Variants in ZNF850 observed in about 807,000 individuals in gnomAD.
ZNF850 encodes the protein zinc finger protein 850.
A neutral mutation model predicts 11.9 loss-of-function variants in ZNF850; 2 were observed. The observed-to-expected ratio is 0.17, with a 90% CI of 0.07 to 0.53. ZNF850 has a LOEUF of 0.53. Among genes scored for constraint, ZNF850 ranks in the 20% least tolerant of loss-of-function variants. The pLI, the probability that ZNF850 is intolerant of heterozygous loss-of-function variation, is 0.94. For synonymous variants in ZNF850, 381 were observed against 443.0 expected (o/e 0.86, Z 1.76); for missense variants, 1,014 against 1,316.4 (o/e 0.77, Z 3.55).
At chr19:36,757,908 A>G (rs2040496544) in intron 4 of ZNF850, among the ~76,000 whole-genome samples, 2 of 151,922 alleles carry the variant, frequency 1.3e-5, no homozygotes, top group African/African-American at 4.8e-5. Context: ...TGCAGCCTTG[A>G]ACTCCTGGAC....
intron 1 of ZNF850, among the ~76,000 whole-genome samples, chr19:36,763,368 A>C (rs1235150659): frequency 6.6e-6 from 1 of 151,684 alleles, no homozygotes; most frequent in Non-Finnish European, 1.5e-5. Flanking sequence ...TGGAGAGACC[A>C]TTTTAGTCTC....
In ZNF850 at chr19:36,747,862, T is replaced by C. The variant is rs1186154715; in HGVS notation, c.3178A>G (p.Thr1060Ala). Residue 1060 changes from threonine to alanine, a missense_variant, in exon 5 of 5, where the codon ACT becomes GCT. Physicochemically the swap from Thr to Ala is moderately conservative, Grantham distance 58. Around this residue, in one of 2 missense-constraint regions of ZNF850, gnomAD observed 179 missense variants for 294.4 expected, o/e 0.61. Coordinates refer to ENST00000591344, the MANE Select transcript of ZNF850 (RefSeq NM_001193552.2). ...TTACATTCATAGGGTTTCTCGCCAG[T>C]GTGAACACTCTGATGTCGGCTGAGT... ...SGLSRHQSVHTGEKPYECKTC... is the reference protein window; with the variant it reads ...SGLSRHQSVHAGEKPYECKTC... 2.5e-6 allele frequency: 4 copies of C among 1,582,310 alleles called. No homozygotes were observed. Among genetic ancestry groups the C allele is most frequent in the Non-Finnish European group, 3.4e-6 (4 of 1,167,704 alleles).
intron 1 of ZNF850, among the ~76,000 whole-genome samples, chr19:36,766,384 G>A (rs568799460): frequency 6.6e-6 from 1 of 152,228 alleles, no homozygotes; most frequent in East Asian, 1.9e-4. Flanking sequence ...TTACTATTAG[G>A]ACTTAAAGCT....
In ZNF850 at chr19:36,747,804, T is replaced by G; in HGVS notation, c.3236A>C (p.Gln1079Pro). 6.4e-7 allele frequency: 1 copy of G among 1,550,660 alleles called. No individual in the cohort carries two copies. Among genetic ancestry groups the G allele is most frequent in the South Asian group, 1.2e-5 (1 of 84,824 alleles). The part of the protein sequence containing the change: ...TCGKAFKQLT[Q>P]LTRHQRIHDL... ...ATGAATTCTCTGATGTCGAGTAAGC[T>G]GTGTAAGCTGTTTAAAGGCCTTCCC... Residue 1079 changes from glutamine to proline, a missense_variant, in exon 5 of 5, where the codon CAG becomes CCG. Physicochemically the swap from Gln to Pro is moderately conservative, Grantham distance 76. Around this residue, in one of 2 missense-constraint regions of ZNF850, gnomAD observed 179 missense variants for 294.4 expected, o/e 0.61. Transcript: ENST00000591344.
rs35291974 is a variant in ZNF850 at position 36,748,691 on chromosome 19, C to A, written c.2349G>T (p.Lys783Asn). ...TCCCACATTCCTTACAATCATAGAG[C>A]TTCTCACCAGTGTGTATTTGCTGAT... ...IQHQQIHTGEKLYDCKECGKS... is the reference protein window; with the variant it reads ...IQHQQIHTGENLYDCKECGKS... Residue 783 changes from lysine to asparagine, a missense_variant, in exon 5 of 5, where the codon AAG (lysine) becomes AAT (asparagine). Coordinates refer to ENST00000591344, the MANE Select transcript of ZNF850 (RefSeq NM_001193552.2). 3.3e-6 allele frequency: 5 copies of A among 1,525,248 alleles called. No homozygotes were observed. The highest frequency in any genetic ancestry group is 4.4e-6 in the Non-Finnish European group (5 of 1,142,574). 94.5% of individuals were successfully genotyped at this position (1,525,248 alleles called of 1,614,324 possible). A position where few individuals can be genotyped will look rare whatever the true frequency, so the allele number is the denominator to read the frequency against.
At chr19:36,770,737 A>AAAAAAC (rs1491022844) in intron 1 of ZNF850, among the ~76,000 whole-genome samples, 4 of 143,256 alleles carry the variant, frequency 2.8e-5, no homozygotes, top group Non-Finnish European at 3.0e-5. Context: ...AAAAAAAAAA[A>AAAAAAC]AGCCAGCACT....
intron 4 of ZNF850, among the ~76,000 whole-genome samples, chr19:36,756,455 C>G (rs2040486984): frequency 6.6e-6 from 1 of 152,060 alleles, no homozygotes; most frequent in South Asian, 2.1e-4. Flanking sequence ...GCATTTTTTT[C>G]TTTTTATAAA....
intron 1 of ZNF850, among the ~76,000 whole-genome samples, chr19:36,772,466 T>TCA (rs2040590813): frequency 6.6e-6 from 1 of 151,670 alleles, no homozygotes; most frequent in Admixed American, 6.6e-5. Context: ...ACACGCAAAG[T>TCA]CACACACCCA....
rs762914922 is a variant in ZNF850 at position 36,762,430 on chromosome 19, C to A, written c.14G>T (p.Gly5Val). MNME[G>V]LVMFQDLSID... is the part of the protein sequence containing the mutation. ...AGACAGATCCTGGAACATGACCAAC[C>A]CCTGAAATGACAAACCCATGCAGCG... The change falls in exon 3 of 5, where the codon GGG becomes GTG. Residue 5 changes from glycine to valine, a missense_variant and splice_region_variant. By Grantham distance (109) the Gly-to-Val change is moderately radical. This residue lies in a region of ZNF850 where 835 missense variants were observed against 1,022.0 expected (regional missense o/e 0.82). Coordinates refer to ENST00000591344, the MANE Select transcript of ZNF850 (RefSeq NM_001193552.2). 2.9e-5 allele frequency: 45 copies of A among 1,559,720 alleles called. No homozygotes were observed. Among genetic ancestry groups the A allele is most frequent in the Non-Finnish European group, 3.4e-6 (4 of 1,160,686 alleles).
At chr19:36,754,513 T>C (rs1249371719) in intron 4 of ZNF850, among the ~76,000 whole-genome samples, 1 of 152,062 alleles carries the variant, frequency 6.6e-6, no homozygotes, top group Non-Finnish European at 1.5e-5. Context: ...ATTGAGAAAA[T>C]ACAAAAAGTT....
intron 4 of ZNF850, among the ~76,000 whole-genome samples, chr19:36,757,503 CTTTTTT>C (rs57226971): frequency 1.0e-5 from 1 of 97,396 alleles, no homozygotes; most frequent in African/African-American, 3.9e-5. Context: ...AATATAGTTT[CTTTTTT>C]TTTTTTTTTT....
In ZNF850 at chr19:36,750,635, C is replaced by G; in HGVS notation, c.405G>C (p.Glu135Asp). 6.5e-7 allele frequency: 1 copy of G among 1,536,100 alleles called. No homozygotes were observed. Among genetic ancestry groups the G allele is most frequent in the South Asian group, 1.2e-5 (1 of 84,060 alleles). Residue 135 changes from glutamate to aspartate, a missense_variant, in exon 5 of 5, where the codon GAG (glutamate) becomes GAC (aspartate). Glu to Asp is a conservative substitution (Grantham distance 45, BLOSUM62 2). This residue lies in a region of ZNF850 where 835 missense variants were observed against 1,022.0 expected (regional missense o/e 0.82). Coordinates refer to ENST00000591344, the MANE Select transcript of ZNF850 (RefSeq NM_001193552.2). ...TCATTATTGCTTTTTCCAAATATCG[C>G]TCCTGATTTATATCTTGGTGCTGAA... is the stretch of plus-strand genomic sequence containing the variant. ...GQFQHQDINQ[E>D]RYLEKAIMTY...
chr19:36,754,124 G>A (rs910527440), intron 4 of ZNF850, among the ~76,000 whole-genome samples: 1 of 145,326 alleles, frequency 6.9e-6, no homozygotes, highest in Non-Finnish European at 1.5e-5. Flanking sequence ...AGCTGTGATT[G>A]CTCCACTGCA....
At chr19:36,757,406 A>T (rs986947073) in intron 4 of ZNF850, among the ~76,000 whole-genome samples, 14 of 152,130 alleles carry the variant, frequency 9.2e-5, no homozygotes, top group Non-Finnish European at 2.1e-4. Flanking sequence ...AAAATGAATG[A>T]ATGAGTCACT....
Position 36,748,035 on chromosome 19 carries a change from G to T in ZNF850, c.3005C>A (p.Thr1002Asn), listed in dbSNP as rs745844511. ...CGSELIRHQRTHTGEKPYDCK... is the reference protein window; with the variant it reads ...CGSELIRHQRNHTGEKPYDCK... ...ATCATAAGGTTTCTCACCAGTGTGA[G>T]TTCGCTGATGTCGAATTAGTTCTGA... Residue 1002 changes from threonine (T) to asparagine (N), a missense_variant, in exon 5 of 5, where the codon ACT becomes AAT. Transcript: ENST00000591344. 1.5e-5 allele frequency: 24 copies of T among 1,579,896 alleles called. No homozygotes were observed. Among genetic ancestry groups the T allele is most frequent in the Non-Finnish European group, 2.0e-5 (23 of 1,166,464 alleles).
rs777297110 is a variant in ZNF850, at chr19:36,748,890, A to C, written c.2150T>G (p.Ile717Ser). The change falls in exon 5 of 5, where the codon ATT becomes AGT. Residue 717 changes from isoleucine to serine, a missense_variant. Transcript: ENST00000591344. ...GKSFTFCSGLIQHQQNHTDEK... is the reference protein window; with the variant it reads ...GKSFTFCSGLSQHQQNHTDEK... ...ATCAGTGTGATTTTGCTGATGTTGA[A>C]TTAGTCCTGAGCAGAAAGTAAAAGA... 6.4e-7 allele frequency: 1 copy of C among 1,555,556 alleles called. No homozygotes were observed. The highest frequency in any genetic ancestry group is 1.2e-5 in the South Asian group (1 of 85,448).
At chr19:36,757,228 G>T (rs1232345489) in intron 4 of ZNF850, among the ~76,000 whole-genome samples, 1 of 152,138 alleles carries the variant, frequency 6.6e-6, no homozygotes, top group African/African-American at 2.4e-5. Flanking sequence ...CTAGTAAATA[G>T]AAGCTTTTCT....
At position 36,747,776 on chromosome 19, in the gene ZNF850, G is replaced by A. The variant is rs2040421447; in HGVS notation, c.3264C>T (p.Asp1088=). Residue 1088 remains aspartate, a synonymous_variant, in exon 5 of 5, where the codon GAC becomes GAT. Coordinates refer to ENST00000591344, the MANE Select transcript of ZNF850 (RefSeq NM_001193552.2). ...CAGTTTCCTACATTAATTATGTTAG[G>A]TCATGAATTCTCTGATGTCGAGTAA... ...TQLTRHQRIH[D]LT 1 of 1,513,660 alleles carries A rather than the reference G, an allele frequency of 6.6e-7. No individual in the cohort carries two copies. Among genetic ancestry groups the A allele is most frequent in the Non-Finnish European group, 8.8e-7 (1 of 1,134,320 alleles). 93.8% of individuals were successfully genotyped at this position (1,513,660 alleles called of 1,614,324 possible).
chr19:36,757,324 T>C (rs990840982), intron 4 of ZNF850, among the ~76,000 whole-genome samples: 3 of 152,106 alleles, frequency 2.0e-5, no homozygotes, highest in African/African-American at 7.2e-5. Context: ...ACAATATGAA[T>C]ACAATCAAAG....
Sources: allele counts gnomAD v4.1 joint callset (sites outside exome capture counted in the v4.1 genomes callset), GRCh38; gene constraint gnomAD v4.1.1; regional missense constraint gnomAD v4.1.1; transcripts MANE v1.5; gene names NCBI Gene and HGNC (gene_info 2026-07-23, HGNC 2026-07-21).